MTUS2: variants seen among roughly 807,000 people sequenced by gnomAD.
MTUS2 encodes microtubule-associated tumor suppressor candidate 2.
MTUS2 carries 40 observed loss-of-function variants against 114.1 expected under a neutral mutation model. The observed-to-expected ratio is 0.35, with a 90% CI of 0.27 to 0.46. MTUS2 has a LOEUF of 0.46. Among genes scored for constraint, MTUS2 ranks in the 20% least tolerant of loss-of-function variants. The probability of loss-of-function intolerance (pLI) is 1.00; values close to 1 mark genes in which losing one functional copy is unlikely to be tolerated. For synonymous variants in MTUS2, 688 were observed against 672.0 expected, an observed-to-expected ratio of 1.02 and a Z score of -0.37; for missense variants, 1,679 against 1,705.4, an observed-to-expected ratio of 0.98 and a Z score of 0.27.
chr13:29,171,189 C>T (rs541201605), intron 5 of MTUS2, among the ~76,000 whole-genome samples: 1 of 151,608 alleles, frequency 6.6e-6, no homozygotes, highest in African/African-American at 2.4e-5. Flanking sequence ...GTAATTGTAG[C>T]GAATTAAATT....
rs111239928 is a variant in MTUS2, at chr13:29,277,557, A to G, written c.2645-4147A>G. Among the ~76,000 whole-genome samples, 291 of 152,374 alleles carry G rather than the reference A, an allele frequency of 1.9e-3. 2 individuals carry two copies. The highest frequency in any genetic ancestry group is 6.6e-3 in the African/African-American group (274 of 41,588). ...TGCAGTATGGCATTGGCACGGTGAT[A>G]GACAAATAGACCAATGAAACGGAAT... On this transcript the variant is annotated intron_variant, in intron 5 of 15. Coordinates refer to ENST00000612955, the MANE Select transcript of MTUS2 (RefSeq NM_001033602.4).
At chr13:29,374,526 G>A (rs562739755) in intron 8 of MTUS2, among the ~76,000 whole-genome samples, 1 of 152,308 alleles carries the variant, frequency 6.6e-6, no homozygotes, top group East Asian at 1.9e-4. Flanking sequence ...AAGGCCTGAA[G>A]ACAGTGGCAC....
chr13:29,466,891 AAAAAAG>A (rs1229574160), intron 9 of MTUS2, among the ~76,000 whole-genome samples: 2 of 151,868 alleles, frequency 1.3e-5, no homozygotes, highest in Admixed American at 6.6e-5. Flanking sequence ...AAAAAAAAAA[AAAAAAG>A]AAAAGAAAGA....
At chr13:29,313,131 G>A (rs2139647601) in intron 6 of MTUS2, among the ~76,000 whole-genome samples, 1 of 152,238 alleles carries the variant, frequency 6.6e-6, no homozygotes, top group African/African-American at 2.4e-5. Flanking sequence ...TGGCCCCAGA[G>A]CTTTAGAACA....
chr13:29,043,052 C>T (rs1887445013), intron 4 of MTUS2, among the ~76,000 whole-genome samples: 1 of 151,882 alleles, frequency 6.6e-6, no homozygotes. Flanking sequence ...GAGGTGTGAC[C>T]TTAGATTGTC....
chr13:28,989,094 G>A (rs1884709397), intron 2 of MTUS2, among the ~76,000 whole-genome samples: 1 of 152,160 alleles, frequency 6.6e-6, no homozygotes, highest in South Asian at 2.1e-4. Context: ...GCTTAGACCT[G>A]TCTGCTGAGG....
At chr13:28,941,277 T>G (rs1405517097) in intron 2 of MTUS2, among the ~76,000 whole-genome samples, 1 of 152,106 alleles carries the variant, frequency 6.6e-6, no homozygotes, top group African/African-American at 2.4e-5. Context: ...TCTGTCTATA[T>G]TTACTGTATT....
chr13:29,492,241 ATGTG>A (rs1446246188), intron 11 of MTUS2, among the ~76,000 whole-genome samples: 16 of 116,892 alleles, frequency 1.4e-4, no homozygotes, highest in African/African-American at 5.0e-4. Flanking sequence ...TGTGTGTGGC[ATGTG>A]TGTATGTGAT....
In MTUS2 at chr13:28,839,095, A is replaced by G. The variant is rs552931660; in HGVS notation, c.-315-683A>G. ...GCAATTTTGTATAAGTCAACCTAATAATAGCAGGCATTCTGTGGTGTCTAT... is the reference window on the plus strand; with the variant it reads ...GCAATTTTGTATAAGTCAACCTAATGATAGCAGGCATTCTGTGGTGTCTAT... On this transcript the variant is annotated intron_variant, in intron 1 of 15. Transcript: ENST00000612955. Among the ~76,000 whole-genome samples, 224 of 152,284 alleles carry G rather than the reference A, an allele frequency of 1.5e-3. 1 individual carries two copies. Among genetic ancestry groups the G allele is most frequent in the African/African-American group, 5.2e-3 (216 of 41,542 alleles).
At chr13:29,417,230 T>C (rs957537186) in intron 8 of MTUS2, among the ~76,000 whole-genome samples, 1 of 152,122 alleles carries the variant, frequency 6.6e-6, no homozygotes, top group African/African-American at 2.4e-5. Context: ...TGCAGGCTTA[T>C]TAAATGACCA....
At chr13:29,077,317 A>G (rs1359075438) in intron 4 of MTUS2, among the ~76,000 whole-genome samples, 1 of 152,190 alleles carries the variant, frequency 6.6e-6, no homozygotes, top group African/African-American at 2.4e-5. Context: ...AGCCATGTGA[A>G]CAAAGCAAAC....
At chr13:28,993,638 C>A (rs984326744) in intron 2 of MTUS2, among the ~76,000 whole-genome samples, 2 of 152,074 alleles carry the variant, frequency 1.3e-5, no homozygotes, top group African/African-American at 4.8e-5. Context: ...GGCTAGCCAG[C>A]TATCCCAGCA....
intron 7 of MTUS2, among the ~76,000 whole-genome samples, chr13:29,341,605 T>C (rs1230719757): frequency 1.3e-5 from 2 of 152,202 alleles, no homozygotes; most frequent in Non-Finnish European, 2.9e-5. Context: ...CTGTTCACTC[T>C]GCTGATTATT....
rs144910777 is a variant in MTUS2, at chr13:29,301,819, T to A, written c.2806+19954T>A. Among the ~76,000 whole-genome samples, 785 of 152,314 alleles carry A rather than the reference T, an allele frequency of 5.2e-3. 6 individuals carry two copies. The highest frequency in any genetic ancestry group is 0.017 in the African/African-American group (722 of 41,568). On this transcript the variant is annotated intron_variant, in intron 6 of 15. Coordinates refer to ENST00000612955, the MANE Select transcript of MTUS2 (RefSeq NM_001033602.4). ...TGGCTTATAAACAATAAACATTTAT[T>A]TCTAATAATTATGGCTGGGAATTCC...
At chr13:29,494,037 T>G (rs1322274663) in intron 12 of MTUS2, among the ~76,000 whole-genome samples, 1 of 152,222 alleles carries the variant, frequency 6.6e-6, no homozygotes, top group East Asian at 1.9e-4. Context: ...GATTTGAGTT[T>G]TTGTTTAAAT....
intron 9 of MTUS2, among the ~76,000 whole-genome samples, chr13:29,441,147 G>C (rs1222222780): frequency 6.6e-6 from 1 of 152,108 alleles, no homozygotes; most frequent in East Asian, 1.9e-4. Flanking sequence ...ATCCGGAGCA[G>C]CAGGACCCTG....
intron 4 of MTUS2, among the ~76,000 whole-genome samples, chr13:29,072,763 A>T (rs939973829): frequency 6.6e-6 from 1 of 152,226 alleles, no homozygotes; most frequent in Non-Finnish European, 1.5e-5. Flanking sequence ...TATTTATAAC[A>T]TAACAGTTGA....
rs146283878 is a variant in MTUS2 at position 29,264,611 on chromosome 13, C to G, written c.2645-17093C>G. On this transcript the variant is annotated intron_variant, in intron 5 of 15. Coordinates refer to ENST00000612955, the MANE Select transcript of MTUS2 (RefSeq NM_001033602.4). ...AACCTAGGCAGAGGCTCCCAAGCCT[C>G]AACTCTTGCACTCTTCTATATACCT... is the stretch of plus-strand genomic sequence containing the variant. Among the ~76,000 whole-genome samples the G allele has an allele frequency of 5.2e-4, 80 of 152,398 alleles. No individual in the cohort carries two copies. In the Middle Eastern group the frequency reaches 0.01, roughly 19 times the overall value.
chr13:29,271,695 GCC>G (rs1897887438), intron 5 of MTUS2, among the ~76,000 whole-genome samples: 7 of 152,160 alleles, frequency 4.6e-5, no homozygotes, highest in Non-Finnish European at 1.5e-5. Context: ...AATAACATCA[GCC>G]AGCATTTGCT....
Sources: gnomAD v4.1 joint callset for allele counts (sites outside exome capture counted in the v4.1 genomes callset) on GRCh38, gnomAD v4.1.1 for gene constraint, MANE v1.5 for transcripts, NCBI Gene and HGNC (gene_info 2026-07-23, HGNC 2026-07-21) for gene names.